SOX5: variants seen among roughly 807,000 people sequenced by gnomAD.
SOX5 encodes SRY-box transcription factor 5.
SOX5 carries 9 observed loss-of-function variants against 92.0 expected under a neutral mutation model. That is an observed-to-expected ratio of 0.10 (90% CI 0.06 to 0.17). The LOEUF (loss-of-function observed/expected upper bound fraction) is 0.17. SOX5 is among the 10% of genes least tolerant of loss of function. The pLI is 1.00. For synonymous variants in SOX5, 344 were observed against 336.3 expected (o/e 1.02, Z -0.25); for missense variants, 642 against 944.5 (o/e 0.68, Z 4.20).
intron 4 of SOX5, among the ~76,000 whole-genome samples, chr12:24,131,029 C>A (rs987156233): frequency 6.6e-6 from 1 of 152,190 alleles, no homozygotes; most frequent in African/African-American, 2.4e-5. Flanking sequence ...AAACTAGAAT[C>A]TCTGAATTGC....
intron 2 of SOX5, among the ~76,000 whole-genome samples, chr12:24,310,110 T>C (rs1949025321): frequency 6.6e-6 from 1 of 152,188 alleles, no homozygotes; most frequent in Non-Finnish European, 1.5e-5. Flanking sequence ...CCACTTATAT[T>C]GCTAAAAAAA....
intron 2 of SOX5, among the ~76,000 whole-genome samples, chr12:23,877,609 G>A (rs891851035): frequency 6.6e-6 from 1 of 151,982 alleles, no homozygotes; most frequent in Non-Finnish European, 1.5e-5. Flanking sequence ...AATTAAATGT[G>A]GAAAACATGC....
chr12:24,308,217 C>T (rs949578148), intron 2 of SOX5, among the ~76,000 whole-genome samples: 3 of 152,158 alleles, frequency 2.0e-5, no homozygotes, highest in Non-Finnish European at 2.9e-5. Flanking sequence ...GAACACACTG[C>T]TCCCCTCCCA....
intron 1 of SOX5, among the ~76,000 whole-genome samples, chr12:23,897,065 C>G (rs921173036): frequency 2.0e-5 from 3 of 152,022 alleles, no homozygotes; most frequent in Non-Finnish European, 4.4e-5. Flanking sequence ...AAAAAACTTT[C>G]TTGTAGTATT....
At chr12:23,944,023 T>C (rs995693872) in intron 1 of SOX5, 3 of 152,040 alleles carry the variant, frequency 2.0e-5, no homozygotes, top group Non-Finnish European at 4.4e-5. Context: ...TCAAATTGGG[T>C]TCATATTTGG....
intron 1 of SOX5, among the ~76,000 whole-genome samples, chr12:24,385,397 G>C (rs1320012299): frequency 2.6e-5 from 4 of 152,152 alleles, no homozygotes; most frequent in Non-Finnish European, 5.9e-5. Flanking sequence ...ATGATGTTTA[G>C]TAAGGTAAGT....
At chr12:23,771,906 T>C (rs2094947188) in intron 3 of SOX5, among the ~76,000 whole-genome samples, 1 of 152,164 alleles carries the variant, frequency 6.6e-6, no homozygotes, top group African/African-American at 2.4e-5. Context: ...ATATAAAAAA[T>C]GTGAAAACTC....
intron 6 of SOX5, among the ~76,000 whole-genome samples, chr12:23,667,008 GTAAAC>G (rs1253011943): frequency 1.3e-5 from 2 of 151,944 alleles, no homozygotes; most frequent in Non-Finnish European, 2.9e-5. Context: ...ATCTTCCACA[GTAAAC>G]CTCTGAGCTG....
intron 3 of SOX5, among the ~76,000 whole-genome samples, chr12:24,250,124 C>T (rs1345586694): frequency 6.6e-6 from 1 of 152,128 alleles, no homozygotes; most frequent in African/African-American, 2.4e-5. Context: ...TGCGTATTCC[C>T]AAAATCACCT....
In SOX5 at chr12:23,612,293, C is replaced by G. The variant is rs149618141; in HGVS notation, c.1018-7760G>C. On this transcript the variant is annotated intron_variant, in intron 8 of 14. Transcript: ENST00000451604. ...TGATAATTTGATACATTCATATAAT[C>G]CAAGTCAGGTCATTGAGATTTTTAA... is the stretch of plus-strand genomic sequence containing the variant. Among the ~76,000 whole-genome samples the G allele has an allele frequency of 5.9e-5, 9 of 152,030 alleles. No individual in the cohort carries two copies. In the East Asian group the frequency reaches 1.5e-3, roughly 26 times the overall value.
intron 4 of SOX5, among the ~76,000 whole-genome samples, chr12:23,984,849 ATGG>A (rs2061040295): frequency 2.0e-5 from 3 of 152,176 alleles, no homozygotes; most frequent in African/African-American, 7.2e-5. Flanking sequence ...ATTTGAAGTA[ATGG>A]ACTAATAATA....
chr12:24,132,041 C>T (rs532306582), intron 4 of SOX5, among the ~76,000 whole-genome samples: 1 of 152,262 alleles, frequency 6.6e-6, no homozygotes, highest in Admixed American at 6.5e-5. Flanking sequence ...TCTGTTTGCT[C>T]TACATTGTGT....
intron 11 of SOX5, among the ~76,000 whole-genome samples, chr12:23,559,735 C>T (rs183040082): frequency 3.3e-5 from 5 of 152,190 alleles, no homozygotes; most frequent in Non-Finnish European, 7.3e-5. Context: ...ATCTCCACCA[C>T]AAGATTTCAA....
At chr12:23,885,015 C>T (rs2097047804) in intron 2 of SOX5, among the ~76,000 whole-genome samples, 1 of 151,978 alleles carries the variant, frequency 6.6e-6, no homozygotes, top group African/African-American at 2.4e-5. Flanking sequence ...TATTGATGAC[C>T]CTGGGGAAAT....
intron 11 of SOX5, among the ~76,000 whole-genome samples, chr12:23,556,403 T>TA (rs2136235264): frequency 6.6e-6 from 1 of 152,254 alleles, no homozygotes; most frequent in Non-Finnish European, 1.5e-5. Context: ...ATGTAGAGAT[T>TA]AAAAAATAAT....
At chr12:24,303,974 A>G (rs1340112601) in intron 2 of SOX5, among the ~76,000 whole-genome samples, 2 of 152,210 alleles carry the variant, frequency 1.3e-5, no homozygotes, top group Non-Finnish European at 2.9e-5. Context: ...TGTTGAGGCT[A>G]CAGCACTAAT....
intron 2 of SOX5, among the ~76,000 whole-genome samples, chr12:24,345,844 A>C (rs1236545697): frequency 6.6e-6 from 1 of 152,194 alleles, no homozygotes; most frequent in African/African-American, 2.4e-5. Flanking sequence ...AGGAGAATGA[A>C]TGGCATTCAG....
Position 23,648,680 on chromosome 12 carries a change from TCAG to T in SOX5, c.932-7786_932-7784del, listed in dbSNP as rs539300478. ...GAAACAACCTGCTGACACTCTGATCTCAGCTATACAGCATACAGAGCTGTGAAA... is the reference window on the plus strand; with the variant it reads ...GAAACAACCTGCTGACACTCTGATCTCTATACAGCATACAGAGCTGTGAAA... On this transcript the variant is annotated intron_variant, in intron 7 of 14. Transcript: ENST00000451604. 2.9e-3 allele frequency among the ~76,000 whole-genome samples: 441 copies of T among 152,250 alleles called. 1 individual carries two copies. The highest frequency in any genetic ancestry group is 4.5e-3 in the Non-Finnish European group (306 of 68,008).
chr12:24,121,041 A>G (rs1948560207), intron 4 of SOX5, among the ~76,000 whole-genome samples: 1 of 152,198 alleles, frequency 6.6e-6, no homozygotes, highest in Non-Finnish European at 1.5e-5. Context: ...AACTAGGCAC[A>G]TTTTGGGATC....
Sources: gnomAD v4.1 joint callset for allele counts (sites outside exome capture counted in the v4.1 genomes callset) on GRCh38, gnomAD v4.1.1 for gene constraint, MANE v1.5 for transcripts, NCBI Gene and HGNC (gene_info 2026-07-23, HGNC 2026-07-21) for gene names.